SYTL2: variants seen among roughly 807,000 people sequenced by gnomAD.
SYTL2 encodes the protein synaptotagmin-like protein 2.
Under a neutral mutation model 198.7 loss-of-function variants are expected in SYTL2, and 165 were observed. The ratio of observed to expected loss-of-function variants is 0.83; its 90% CI spans 0.73 to 0.94. SYTL2 has a LOEUF of 0.94. SYTL2 is among the 40% of genes least tolerant of loss of function. SYTL2 has a pLI of 0.00. For missense variants in SYTL2, 2,835 were observed against 2,582.8 expected (o/e 1.10, Z -2.12); for synonymous variants, 966 against 917.7 (o/e 1.05, Z -0.95).
At chr11:85,845,805 A>G in the SYTL2 span, among the ~76,000 whole-genome samples, 1 of 152,092 alleles carries the variant, frequency 6.6e-6, no homozygotes, top group Non-Finnish European at 1.5e-5. Context: ...AGTCCCAGCT[A>G]CTTGGGAGGC....
At chr11:85,823,894 C>T in the SYTL2 span, among the ~76,000 whole-genome samples, 129 of 152,212 alleles carry the variant, frequency 8.5e-4, no homozygotes, top group Non-Finnish European at 1.6e-3. Context: ...CTACAGGATG[C>T]TGTGGTTAGT....
At chr11:85,745,504 C>G in intron 4 of SYTL2, 133 bp downstream of exon 4, 1 of 951,916 alleles carries the variant, frequency 1.1e-6, no homozygotes, top group South Asian at 2.2e-5. Context: ...CCAGAATTCT[C>G]TCATACACTG....
Position 85,786,879 on chromosome 11 carries a change from T to G in SYTL2, c.-390+24075A>C, listed in dbSNP as rs1178980787. 2.0e-5 allele frequency among the ~76,000 whole-genome samples: 3 copies of G among 152,218 alleles called. 1 individual carries two copies. The highest frequency in any genetic ancestry group is 2.0e-4 in the Admixed American group (3 of 15,282). On this transcript the variant is annotated intron_variant, in intron 1 of 19. Coordinates refer to ENST00000359152, the MANE Select transcript of SYTL2 (RefSeq NM_206927.4). ...CTTACTTACCATGAGAGCCCATGTT[T>G]TATACCTGTTTGATACCCTCTCAGT...
chr11:85,735,129 C>CTA (rs1395659847), intron 6 of SYTL2, among the ~76,000 whole-genome samples: 1 of 152,158 alleles, frequency 6.6e-6, no homozygotes, highest in Non-Finnish European at 1.5e-5. Context: ...ATGAGGGAGG[C>CTA]TATGCCTGTG....
chr11:85,717,714 T>C, intron 10 of SYTL2, 184 bp from the exon 11 acceptor site: 2 of 636,548 alleles, frequency 3.1e-6, no homozygotes, highest in Non-Finnish European at 5.9e-6. Context: ...AGGTCTCCTG[T>C]TCAACTAAAA....
chr11:85,726,116 A>G lies in SYTL2; in HGVS notation c.3242T>C (p.Leu1081Ser), dbSNP rs774211676. Residue 1081 changes from leucine (L) to serine (S), a missense_variant, in exon 8 of 20, where the codon TTG becomes TCG. Leu to Ser is a moderately radical substitution (Grantham distance 145). Around this residue, in one of 3 missense-constraint regions of SYTL2, gnomAD observed 2,645 missense variants for 2,381.7 expected, o/e 1.11. Coordinates refer to ENST00000359152, the MANE Select transcript of SYTL2 (RefSeq NM_206927.4). ...TTCCTTTGATGACTCATTTCCTGGC[A>G]ACTGATAAGTATACTTTCTAAGTGG... ...LSPLRKYTYQ[L>S]PGNESSKENV... 1 of 1,614,036 alleles carries G rather than the reference A, an allele frequency of 6.2e-7. No homozygotes were observed. Among genetic ancestry groups the G allele is most frequent in the Admixed American group, 1.7e-5 (1 of 59,994 alleles).
At chr11:85,753,195 A>G (rs1184691650) in intron 2 of SYTL2, among the ~76,000 whole-genome samples, 6 of 152,230 alleles carry the variant, frequency 3.9e-5, no homozygotes, top group South Asian at 2.1e-4. Flanking sequence ...CTAAAATTAC[A>G]TATGTGTATG....
intron 1 of SYTL2, among the ~76,000 whole-genome samples, chr11:85,763,227 T>C (rs1030774082): frequency 1.3e-5 from 2 of 152,152 alleles, no homozygotes; most frequent in Non-Finnish European, 1.5e-5. Flanking sequence ...CAAAGAAGGA[T>C]AAGGAGCAGC....
In SYTL2 at chr11:85,777,812, C is replaced by CTTTTTTTTTT. The variant is rs57873368; in HGVS notation, c.-389-19708_-389-19699dup. Among the ~76,000 whole-genome samples, 58 of 63,330 alleles carry CTTTTTTTTTT rather than the reference C, an allele frequency of 9.2e-4. 7 individuals are homozygous for CTTTTTTTTTT. The highest frequency in any genetic ancestry group is 1.5e-3 in the South Asian group (2 of 1,312). The allele number at this position is 63,330 out of a possible 152,430, so 41.5% of individuals were successfully genotyped here. A position where few individuals can be genotyped will look rare whatever the true frequency, so the allele number is the denominator to read the frequency against. Reference sequence around the variant, plus strand: ...CTTACCAGAATTACAGGTCTTACTTCTTTTTTTTTTTTTTTTTTTTTTTTT... The same window carrying CTTTTTTTTTT: ...CTTACCAGAATTACAGGTCTTACTTCTTTTTTTTTTTTTTTTTTTTTTTTTTTTTTTTTTT... On this transcript the variant is annotated intron_variant, in intron 1 of 19. Transcript: ENST00000359152.
At chr11:85,832,418 A>T in the SYTL2 span, among the ~76,000 whole-genome samples, 1 of 152,244 alleles carries the variant, frequency 6.6e-6, no homozygotes, top group Non-Finnish European at 1.5e-5. Context: ...TTCATTCAAC[A>T]AATATGCACC....
At chr11:85,787,545 G>C (rs190805069) in intron 1 of SYTL2, among the ~76,000 whole-genome samples, 21 of 152,262 alleles carry the variant, frequency 1.4e-4, no homozygotes, top group Non-Finnish European at 2.8e-4. Context: ...AATGGGAAGA[G>C]ACAAGTTCAA....
intron 10 of SYTL2, chr11:85,718,482 G>A: frequency 3.2e-6 from 1 of 315,196 alleles, no homozygotes; most frequent in South Asian, 5.0e-5. Context: ...TTTACAAAGA[G>A]TTCTGCAAGT....
the SYTL2 span, among the ~76,000 whole-genome samples, chr11:85,830,931 C>A: frequency 2.0e-3 from 303 of 152,268 alleles, 1 homozygote; most frequent in African/African-American, 7.0e-3. Flanking sequence ...AGCTTTGGGG[C>A]AACAAAAACT....
At chr11:85,704,276 A>C (rs2084788922) in intron 16 of SYTL2, among the ~76,000 whole-genome samples, 1 of 152,126 alleles carries the variant, frequency 6.6e-6, no homozygotes, top group African/African-American at 2.4e-5. Flanking sequence ...AATAAGCATT[A>C]CTAGAGATAA....
chr11:85,812,520 T>C (rs1418613385), upstream of SYTL2, among the ~76,000 whole-genome samples: 1 of 152,160 alleles, frequency 6.6e-6, no homozygotes, highest in African/African-American at 2.4e-5. Flanking sequence ...TTGTAAATAA[T>C]TTCATTTTAG....
chr11:85,847,458 A>G, the SYTL2 span, among the ~76,000 whole-genome samples: 1 of 151,916 alleles, frequency 6.6e-6, no homozygotes, highest in Non-Finnish European at 1.5e-5. Flanking sequence ...AGCTATGAAC[A>G]TTCATTTTCA....
the SYTL2 span, among the ~76,000 whole-genome samples, chr11:85,846,623 C>T: frequency 1.3e-5 from 2 of 152,000 alleles, no homozygotes; most frequent in East Asian, 3.9e-4. Context: ...GATGCAGTTT[C>T]ACCATGTTGG....
At chr11:85,850,130 T>C in the SYTL2 span, among the ~76,000 whole-genome samples, 18 of 147,252 alleles carry the variant, frequency 1.2e-4, no homozygotes, top group Non-Finnish European at 2.2e-4. Context: ...TTTTTGTACA[T>C]TGATTTTGTA....
intron 1 of SYTL2, among the ~76,000 whole-genome samples, chr11:85,800,142 C>A (rs2153645607): frequency 6.6e-6 from 1 of 152,256 alleles, no homozygotes; most frequent in Middle Eastern, 3.4e-3. Context: ...AGTTTTGGTG[C>A]TTTGGTCTCA....
Sources: gnomAD v4.1 joint callset for allele counts (sites outside exome capture counted in the v4.1 genomes callset) on GRCh38, gnomAD v4.1.1 for gene constraint, gnomAD v4.1.1 regional missense constraint, MANE v1.5 for transcripts, NCBI Gene and HGNC (gene_info 2026-07-23, HGNC 2026-07-21) for gene names.